Variants in ADORA2B observed in about 807,000 individuals in gnomAD.
The protein encoded by ADORA2B is adenosine A2b receptor, also known as adenosine receptor A2b.
Under a neutral mutation model 20.8 loss-of-function variants are expected in ADORA2B, and 18 were observed. The ratio of observed to expected loss-of-function variants is 0.87; its 90% confidence interval spans 0.60 to 1.29. The LOEUF (loss-of-function observed/expected upper bound fraction) is 1.29, where lower values mean the gene tolerates loss of function less well. ADORA2B is among the 50% of genes most tolerant of loss of function. ADORA2B has a pLI of 0.00. For synonymous variants in ADORA2B, 179 were observed against 178.3 expected (o/e 1.00, Z -0.03); for missense variants, 441 against 422.7 (o/e 1.04, Z -0.38).
intron 1 of ADORA2B, among the ~76,000 whole-genome samples, chr17:15,967,074 C>T (rs755606556): frequency 9.2e-5 from 14 of 152,066 alleles, no homozygotes; most frequent in African/African-American, 2.9e-4. Flanking sequence ...GGGGTGGGGC[C>T]GAGGAGGGAG....
chr17:15,904,534 C>T, the ADORA2B span, among the ~76,000 whole-genome samples: 14 of 151,966 alleles, frequency 9.2e-5, no homozygotes, highest in African/African-American at 3.4e-4. Context: ...ACTACAGGCA[C>T]CCGCCACCAC....
chr17:15,888,585 A>G, the ADORA2B span, among the ~76,000 whole-genome samples: 11 of 125,950 alleles, frequency 8.7e-5, 3 homozygotes, highest in African/African-American at 1.4e-4. Flanking sequence ...AATCTGTAAC[A>G]TCTTTAACCT....
At chr17:15,925,754 G>A in the ADORA2B span, among the ~76,000 whole-genome samples, 1 of 152,146 alleles carries the variant, frequency 6.6e-6, no homozygotes, top group African/African-American at 2.4e-5. Flanking sequence ...TGGATCACGA[G>A]GTCAGGAGTT....
the ADORA2B span, among the ~76,000 whole-genome samples, chr17:15,864,738 T>C: frequency 6.6e-6 from 1 of 151,352 alleles, no homozygotes; most frequent in African/African-American, 2.4e-5. Context: ...ATCAGTTGTT[T>C]AGCATTCCTT....
At chr17:15,912,213 T>TGA in the ADORA2B span, among the ~76,000 whole-genome samples, 1 of 77,950 alleles carries the variant, frequency 1.3e-5, no homozygotes, top group Non-Finnish European at 2.9e-5. Flanking sequence ...AGACTCTGTC[T>TGA]CAAAAAAAAA....
At chr17:15,919,313 C>T in the ADORA2B span, among the ~76,000 whole-genome samples, 1 of 152,326 alleles carries the variant, frequency 6.6e-6, no homozygotes, top group East Asian at 1.9e-4. Flanking sequence ...TCCAATCCCA[C>T]TGCAACCCGT....
At chr17:15,936,065 C>T in the ADORA2B span, among the ~76,000 whole-genome samples, 1 of 151,876 alleles carries the variant, frequency 6.6e-6, no homozygotes, top group African/African-American at 2.4e-5. Context: ...TTAGTAGAGA[C>T]GGGGTTTCAA....
chr17:15,917,994 G>A, the ADORA2B span, among the ~76,000 whole-genome samples: 1 of 152,226 alleles, frequency 6.6e-6, no homozygotes, highest in Non-Finnish European at 1.5e-5. Context: ...GTGATTGTAC[G>A]TCCAGGTGGC....
At chr17:15,919,192 C>G in the ADORA2B span, among the ~76,000 whole-genome samples, 1 of 152,074 alleles carries the variant, frequency 6.6e-6, no homozygotes, top group African/African-American at 2.4e-5. Flanking sequence ...ACCATGGCAC[C>G]CACTGGAGGT....
chr17:15,878,981 T>C, the ADORA2B span, among the ~76,000 whole-genome samples: 2 of 152,222 alleles, frequency 1.3e-5, no homozygotes, highest in Non-Finnish European at 2.9e-5. Context: ...TACTTGATTA[T>C]GGTTAATATT....
At chr17:15,961,390 C>T (rs1970040953) in intron 1 of ADORA2B, among the ~76,000 whole-genome samples, 2 of 152,038 alleles carry the variant, frequency 1.3e-5, no homozygotes, top group South Asian at 4.1e-4. Flanking sequence ...TTTTTGGTGG[C>T]AATACTGTCT....
the ADORA2B span, among the ~76,000 whole-genome samples, chr17:15,875,143 T>C: frequency 1.3e-5 from 2 of 152,300 alleles, no homozygotes; most frequent in Admixed American, 1.3e-4. Context: ...TTTGTGTTGT[T>C]TTTTATTTCT....
chr17:15,913,663 G>A, the ADORA2B span, among the ~76,000 whole-genome samples: 12 of 152,278 alleles, frequency 7.9e-5, no homozygotes, highest in Non-Finnish European at 1.2e-4. Flanking sequence ...TGACTCACCT[G>A]CCTTATTAAA....
At chr17:15,951,660 T>A (rs935919301) in intron 1 of ADORA2B, among the ~76,000 whole-genome samples, 1 of 152,184 alleles carries the variant, frequency 6.6e-6, no homozygotes, top group Non-Finnish European at 1.5e-5. Flanking sequence ...CTCAAATGTG[T>A]CTTGGAACCA....
At chr17:15,925,883 T>C in the ADORA2B span, among the ~76,000 whole-genome samples, 6 of 152,066 alleles carry the variant, frequency 3.9e-5, no homozygotes, top group South Asian at 1.0e-3. Flanking sequence ...AGGCAGAGAA[T>C]TGCATAAACC....
chr17:15,855,993 TTC>T, the ADORA2B span, among the ~76,000 whole-genome samples: 1 of 152,048 alleles, frequency 6.6e-6, no homozygotes, highest in Admixed American at 6.6e-5. Context: ...TACTCTCTGC[TTC>T]TCTGAGTTTG....
At chr17:15,924,671 T>G in the ADORA2B span, among the ~76,000 whole-genome samples, 2 of 151,066 alleles carry the variant, frequency 1.3e-5, no homozygotes, top group Non-Finnish European at 2.9e-5. Flanking sequence ...ACCCAGGAGG[T>G]GGAGCTTGCA....
the ADORA2B span, among the ~76,000 whole-genome samples, chr17:15,924,581 CA>C: frequency 2.0e-5 from 3 of 151,492 alleles, no homozygotes; most frequent in Admixed American, 6.6e-5. Context: ...AATACACACA[CA>C]AAAAAAAATT....
At chr17:15,889,254 ACACT>A in the ADORA2B span, among the ~76,000 whole-genome samples, 7 of 129,160 alleles carry the variant, frequency 5.4e-5, 2 homozygotes, top group South Asian at 2.3e-4. Context: ...AAAAATTTAA[ACACT>A]CACACATTAA....
Sources: allele counts gnomAD v4.1 joint callset (sites outside exome capture counted in the v4.1 genomes callset), GRCh38; gene constraint gnomAD v4.1.1; transcripts MANE v1.5; gene names NCBI Gene and HGNC (gene_info 2026-07-23, HGNC 2026-07-21).